The following RGS6 variants were observed in gnomAD, a reference collection of about 807,000 sequenced individuals.
The protein encoded by RGS6 is regulator of G protein signaling 6, also known as regulator of G-protein signaling 6.
Under a neutral mutation model 78.5 loss-of-function variants are expected in RGS6, and 30 were observed. The ratio of observed to expected loss-of-function variants is 0.38; its 90% CI spans 0.29 to 0.52. The LOEUF (loss-of-function observed/expected upper bound fraction) is 0.52. Among genes scored for constraint, RGS6 ranks in the 20% least tolerant of loss-of-function variants. The pLI is 0.85. For missense variants in RGS6, 495 were observed against 609.7 expected (o/e 0.81, Z 1.98); for synonymous variants, 206 against 206.0 (o/e 1.00, Z 0.00).
rs767770941 is a variant in RGS6, at chr14:72,132,781, GT to G, written c.84+167921del. The stretch of plus-strand genomic sequence containing the variant: ...GGAAGTCAGACATGTTTTGTTTGTC[GT>G]TTTTTTTTTTTTTTCTCTGTCAGAC... On this transcript the variant is annotated intron_variant, in intron 2 of 17. Transcript: ENST00000553525. 7.2e-3 allele frequency among the ~76,000 whole-genome samples: 950 copies of G among 132,546 alleles called. 8 individuals are homozygous for G. The highest frequency in any genetic ancestry group is 0.022 in the African/African-American group (784 of 36,238). The allele number at this position is 132,546 out of a possible 152,430, so 87.0% of individuals were successfully genotyped here.
rs1301169882 is a variant in RGS6, at chr14:72,562,599, A to G, written c.*132A>G. On this transcript the variant is annotated 3_prime_UTR_variant, in exon 18 of 18. Coordinates refer to ENST00000553525, the MANE Select transcript of RGS6 (RefSeq NM_001204424.2). Reference sequence around the variant, plus strand: ...GAAGGAGAAAGAGTGAGGGCAATGAAGGGCGATGGTGGGGAGACTCGGTGG... The same window carrying G: ...GAAGGAGAAAGAGTGAGGGCAATGAGGGGCGATGGTGGGGAGACTCGGTGG... The G allele has an allele frequency of 1.3e-6, 2 of 1,538,496 alleles. No homozygotes were observed. The highest frequency in any genetic ancestry group is 3.9e-5 in the Admixed American group (2 of 51,242).
chr14:72,195,592 C>G (rs1053311086), intron 2 of RGS6, among the ~76,000 whole-genome samples: 1 of 152,166 alleles, frequency 6.6e-6, no homozygotes, highest in Non-Finnish European at 1.5e-5. Context: ...AAATGAGGCG[C>G]TTGAACGAAG....
intron 5 of RGS6, among the ~76,000 whole-genome samples, chr14:72,459,127 A>C (rs1198818085): frequency 6.6e-6 from 1 of 152,146 alleles, no homozygotes; most frequent in Non-Finnish European, 1.5e-5. Flanking sequence ...CTACTGTCTC[A>C]TGTTGCCTTC....
At chr14:72,374,277 C>T (rs2084152834) in intron 3 of RGS6, among the ~76,000 whole-genome samples, 1 of 148,680 alleles carries the variant, frequency 6.7e-6, no homozygotes, top group Non-Finnish European at 1.5e-5. Context: ...GTGGGATGTT[C>T]CCCTTCCTGT....
At chr14:72,234,465 T>G (rs1043269578) in intron 2 of RGS6, among the ~76,000 whole-genome samples, 1 of 152,156 alleles carries the variant, frequency 6.6e-6, no homozygotes, top group Non-Finnish European at 1.5e-5. Context: ...CTCTCATCAG[T>G]GCATTCAATA....
At chr14:72,518,619 C>A in intron 15 of RGS6, 82 bp downstream of exon 15, 2 of 1,290,780 alleles carry the variant, frequency 1.5e-6, no homozygotes, top group Non-Finnish European at 2.2e-6. Flanking sequence ...AAGTTCAAGG[C>A]ATTGTGGGTA....
At chr14:72,013,292 A>AAAC (rs1182426845) in intron 2 of RGS6, among the ~76,000 whole-genome samples, 8 of 150,144 alleles carry the variant, frequency 5.3e-5, no homozygotes, top group African/African-American at 1.7e-4. Context: ...AAAAAAAAAA[A>AAAC]AACAACAACA....
intron 3 of RGS6, among the ~76,000 whole-genome samples, chr14:72,449,519 C>A (rs536175644): frequency 6.6e-6 from 1 of 152,296 alleles, no homozygotes; most frequent in Admixed American, 6.5e-5. Flanking sequence ...CTTAAAACAC[C>A]TGAAGACAAA....
At chr14:72,233,724 C>T (rs2050256945) in intron 2 of RGS6, among the ~76,000 whole-genome samples, 1 of 152,138 alleles carries the variant, frequency 6.6e-6, no homozygotes. Context: ...CATGGTTTCA[C>T]AATTAGCTAG....
chr14:72,470,833 C>T (rs1011517384), intron 8 of RGS6, among the ~76,000 whole-genome samples: 3 of 147,464 alleles, frequency 2.0e-5, no homozygotes, highest in Non-Finnish European at 3.0e-5. Flanking sequence ...GAGCTGAGAT[C>T]GTGACATTGC....
intron 2 of RGS6, among the ~76,000 whole-genome samples, chr14:72,274,584 A>G (rs2060403055): frequency 6.6e-6 from 1 of 152,232 alleles, no homozygotes; most frequent in South Asian, 2.1e-4. Flanking sequence ...TATGTGGCAA[A>G]AGAGACTTTG....
intron 2 of RGS6, among the ~76,000 whole-genome samples, chr14:72,276,215 TC>T (rs1237786956): frequency 6.6e-6 from 1 of 152,122 alleles, no homozygotes; most frequent in Non-Finnish European, 1.5e-5. Context: ...TATACCTTAC[TC>T]CCATACACTG....
intron 2 of RGS6, among the ~76,000 whole-genome samples, chr14:72,125,132 G>C (rs918876698): frequency 8.5e-5 from 13 of 152,160 alleles, no homozygotes; most frequent in African/African-American, 3.1e-4. Context: ...TCCTGAGGGG[G>C]ACGTCTTTGT....
intron 12 of RGS6, among the ~76,000 whole-genome samples, chr14:72,485,928 G>C (rs571627784): frequency 1.1e-4 from 16 of 152,242 alleles, no homozygotes; most frequent in Non-Finnish European, 1.6e-4. Context: ...ATACAACTTT[G>C]ATATGGTTTG....
At chr14:72,308,337 A>G (rs1029841802) in intron 2 of RGS6, among the ~76,000 whole-genome samples, 2 of 152,196 alleles carry the variant, frequency 1.3e-5, no homozygotes, top group Non-Finnish European at 2.9e-5. Context: ...TCAGGACTCA[A>G]CTCAAATCCA....
intron 3 of RGS6, among the ~76,000 whole-genome samples, chr14:72,381,318 AAAG>A (rs2086038700): frequency 6.6e-6 from 1 of 152,122 alleles, no homozygotes; most frequent in African/African-American, 2.4e-5. Context: ...CAACACAAAA[AAAG>A]ATAAATGTTT....
intron 2 of RGS6, among the ~76,000 whole-genome samples, chr14:72,182,847 T>A (rs2097192051): frequency 6.6e-6 from 1 of 152,238 alleles, no homozygotes; most frequent in Non-Finnish European, 1.5e-5. Context: ...TACAAAGCTG[T>A]GTCTTGAAGA....
At chr14:72,152,406 G>A (rs1346750931) in intron 2 of RGS6, among the ~76,000 whole-genome samples, 2 of 152,118 alleles carry the variant, frequency 1.3e-5, no homozygotes, top group Non-Finnish European at 2.9e-5. Context: ...CCAGAGGGTA[G>A]TACGTTCCAA....
chr14:72,310,180 AGTCGGG>A (rs2068228526), intron 2 of RGS6, among the ~76,000 whole-genome samples: 1 of 152,128 alleles, frequency 6.6e-6, no homozygotes, highest in Admixed American at 6.5e-5. Context: ...TGCAGGATCT[AGTCGGG>A]GTCCAGGACT....
Sources: allele counts gnomAD v4.1 joint callset (sites outside exome capture counted in the v4.1 genomes callset), GRCh38; gene constraint gnomAD v4.1.1; transcripts MANE v1.5; gene names NCBI Gene and HGNC (gene_info 2026-07-23, HGNC 2026-07-21).